The following MAMLD1 variants were observed in gnomAD, a reference collection of about 807,000 sequenced individuals.
MAMLD1 encodes mastermind like domain containing 1, also known as mastermind-like domain-containing protein 1.
MAMLD1 carries 14 observed loss-of-function variants against 45.0 expected under a neutral mutation model. That is an observed-to-expected ratio of 0.31 (90% confidence interval 0.21 to 0.49). The LOEUF (loss-of-function observed/expected upper bound fraction) is 0.49. Ranked by LOEUF, MAMLD1 falls within the 20% of genes least tolerant of loss-of-function variation. The pLI, the probability that MAMLD1 is intolerant of heterozygous loss-of-function variation, is 0.99. For missense variants in MAMLD1, 543 were observed against 603.6 expected, an observed-to-expected ratio of 0.90 and a Z score of 1.05; for synonymous variants, 254 against 247.8, an observed-to-expected ratio of 1.02 and a Z score of -0.24.
intron 7 of MAMLD1, 120 bp from the exon 8 acceptor site, chrX:150,511,884 A>C: frequency 1.7e-6 from 1 of 579,743 alleles, no homozygotes; most frequent in Non-Finnish European, 2.5e-6. Context: ...GGAGCTCAGT[A>C]GAGAGCCAAG....
chrX:150,461,712 G>A (rs1557405629), intron 2 of MAMLD1, among the ~76,000 whole-genome samples: 3 of 111,253 alleles, frequency 2.7e-5, no homozygotes, highest in East Asian at 5.7e-4. Context: ...AGAGGGACTC[G>A]ATGGAAGCCA....
intron 1 of MAMLD1, among the ~76,000 whole-genome samples, chrX:150,365,176 G>C (rs1028998388): frequency 4.9e-4 from 54 of 110,673 alleles, no homozygotes; most frequent in Admixed American, 4.3e-3. Context: ...CAGGAGGCTG[G>C]AGAGAGGGAA....
At chrX:150,365,987 C>G (rs1557400713) in intron 1 of MAMLD1, among the ~76,000 whole-genome samples, 1 of 112,488 alleles carries the variant, frequency 8.9e-6, no homozygotes, top group African/African-American at 3.2e-5. Context: ...TAGAAGTAAC[C>G]TTTCGCCATT....
chrX:150,470,904 T>A lies in MAMLD1; in HGVS notation c.1331T>A (p.Met444Lys). 1 of 1,211,783 alleles carries A rather than the reference T, an allele frequency of 8.3e-7. No homozygotes were observed. The highest frequency in any genetic ancestry group is 1.1e-6 in the Non-Finnish European group (1 of 895,583). ...STIKTPQGHLMSALPASNPGP... is the reference protein window; with the variant it reads ...STIKTPQGHLKSALPASNPGP... ...ATCAAAACCCCTCAAGGACACCTGA[T>A]GTCTGCTCTGCCTGCCAGCAACCCT... The change falls in exon 4 of 8, where the codon ATG becomes AAG. Residue 444 changes from methionine to lysine, a missense_variant. Transcript: ENST00000370401.
At chrX:150,419,209 T>C (rs782709459) in intron 1 of MAMLD1, among the ~76,000 whole-genome samples, 47 of 102,549 alleles carry the variant, frequency 4.6e-4, no homozygotes, top group African/African-American at 1.3e-3. Flanking sequence ...TCTTTGTCTC[T>C]TTTGATCTTT....
chrX:150,431,279 G>A, intron 1 of MAMLD1, among the ~76,000 whole-genome samples: 1 of 111,277 alleles, frequency 9.0e-6, no homozygotes, highest in Non-Finnish European at 1.9e-5. Flanking sequence ...TGTTGATCTT[G>A]TATCCTGAGA....
At chrX:150,409,874 C>T (rs2034083732) in intron 1 of MAMLD1, among the ~76,000 whole-genome samples, 1 of 112,595 alleles carries the variant, frequency 8.9e-6, no homozygotes, top group South Asian at 3.7e-4. Flanking sequence ...CCAAGTTTCA[C>T]ATTTGTGGGG....
chrX:150,398,400 A>AGAG lies in MAMLD1; in HGVS notation c.-64+34872_-64+34873insGGA, dbSNP rs1321734295. On this transcript the variant is annotated intron_variant, in intron 1 of 7. Coordinates refer to ENST00000370401, the MANE Select transcript of MAMLD1 (RefSeq NM_005491.5). The stretch of plus-strand genomic sequence containing the variant: ...AAGAAGAAGAGGAAGAAGAAGAAGA[A>AGAG]GAAGACAGGGAACGAAGGAGCAAAA... Among the ~76,000 whole-genome samples, 433 of 110,032 alleles carry AGAG rather than the reference A, an allele frequency of 3.9e-3. 7 individuals carry two copies. The highest frequency in any genetic ancestry group is 0.014 in the African/African-American group (418 of 30,242).
Position 150,470,686 on chromosome X carries a change from G to A in MAMLD1, c.1113G>A (p.Ser371=), listed in dbSNP as rs782273970. Residue 371 remains serine (S), a synonymous_variant, in exon 4 of 8, where the codon TCG becomes TCA. Transcript: ENST00000370401. Reference sequence around the variant, plus strand: ...AGAGCCTCATGGTGTCCTGCATGTCGTCCAATACCTTGTCGGGTAGCACTC... The same window carrying A: ...AGAGCCTCATGGTGTCCTGCATGTCATCCAATACCTTGTCGGGTAGCACTC... ...SPQSLMVSCM[S]SNTLSGSTLR... 3.1e-5 allele frequency: 37 copies of A among 1,210,111 alleles called. No individual in the cohort carries two copies. Among genetic ancestry groups the A allele is most frequent in the Admixed American group, 1.1e-4 (5 of 45,864 alleles).
In MAMLD1 at chrX:150,514,142, T is replaced by C. The variant is rs923565441; in HGVS notation, c.*2183T>C. ...GTCTGTTTCAAGCCAGTGTGTTTTT[T>C]CTTCGTTCTGTAATAAACAGCCAGG... On this transcript the variant is annotated 3_prime_UTR_variant, in exon 8 of 8. Transcript: ENST00000370401. 1.9e-5 allele frequency: 4 copies of C among 212,096 alleles called. No individual in the cohort carries two copies. Among genetic ancestry groups the C allele is most frequent in the African/African-American group, 1.2e-4 (4 of 34,715 alleles). 17.5% of individuals were successfully genotyped at this position (212,096 alleles called of 1,213,427 possible). A position where few individuals can be genotyped will look rare whatever the true frequency, so the allele number is the denominator to read the frequency against.
At chrX:150,382,243 C>A (rs1158569895) in intron 1 of MAMLD1, among the ~76,000 whole-genome samples, 1 of 111,351 alleles carries the variant, frequency 9.0e-6, no homozygotes, top group Non-Finnish European at 1.9e-5. Flanking sequence ...AAAAGGCTAT[C>A]CCCACCTCAC....
intron 6 of MAMLD1, among the ~76,000 whole-genome samples, chrX:150,508,449 C>A (rs56357708): frequency 9.1e-6 from 1 of 109,803 alleles, no homozygotes; most frequent in Non-Finnish European, 1.9e-5. Flanking sequence ...ACTGCCCACA[C>A]GGCAGCTCCA....
At chrX:150,481,964 AAAAGAAAG>A (rs57124938) in intron 5 of MAMLD1, among the ~76,000 whole-genome samples, 6,307 of 56,275 alleles carry the variant, frequency 0.11, 384 homozygotes, top group Middle Eastern at 0.18. Flanking sequence ...AAAGAAAGAA[AAAAGAAAG>A]AAAGAAAGAA....
intron 1 of MAMLD1, among the ~76,000 whole-genome samples, chrX:150,406,538 G>A (rs782509740): frequency 1.1e-3 from 126 of 111,800 alleles, no homozygotes; most frequent in African/African-American, 4.0e-3. Flanking sequence ...TCAAGCAGAC[G>A]TGGGTCCCAT....
intron 5 of MAMLD1, among the ~76,000 whole-genome samples, chrX:150,494,599 G>A (rs180710683): frequency 1.1e-3 from 122 of 111,197 alleles, no homozygotes; most frequent in Middle Eastern, 9.4e-3. Context: ...TTAGTGGCGG[G>A]GCCGGGTACG....
Position 150,471,366 on chromosome X carries a change from A to G in MAMLD1, c.1793A>G (p.Gln598Arg). 8.3e-6 allele frequency: 10 copies of G among 1,210,315 alleles called. No individual in the cohort carries two copies. The highest frequency in any genetic ancestry group is 1.1e-5 in the Non-Finnish European group (10 of 894,279). ...GCCACTGCCACCTTGCAGCTGCAGC[A>G]GCAGCAGCAGCAACAGCAGCAGCAG... ...STATATLQLQ[Q>R]QQQQQQQQPD... Residue 598 changes from glutamine (Q) to arginine (R), a missense_variant, in exon 4 of 8, where the codon CAG becomes CGG. Physicochemically the swap from Gln to Arg is conservative, Grantham distance 43. Transcript: ENST00000370401.
At position 150,456,526 on chromosome X, in the gene MAMLD1, C is replaced by A. The variant is rs782242279; in HGVS notation, c.97-6246C>A. Among the ~76,000 whole-genome samples the A allele has an allele frequency of 4.3e-3, 483 of 111,568 alleles. 3 individuals carry two copies. Among genetic ancestry groups the A allele is most frequent in the Non-Finnish European group, 8.0e-3 (425 of 53,102 alleles). On this transcript the variant is annotated intron_variant, in intron 2 of 7. Coordinates refer to ENST00000370401, the MANE Select transcript of MAMLD1 (RefSeq NM_005491.5). ...TAGAAAAGCACAACATCCTGAGACTCTGTGTGGATCCCTTTAGCCTACTGT... is the reference window on the plus strand; with the variant it reads ...TAGAAAAGCACAACATCCTGAGACTATGTGTGGATCCCTTTAGCCTACTGT...
intron 5 of MAMLD1, among the ~76,000 whole-genome samples, chrX:150,477,311 T>C (rs1295264909): frequency 7.1e-5 from 8 of 112,628 alleles, no homozygotes; most frequent in African/African-American, 2.3e-4. Flanking sequence ...TTATGCTCCA[T>C]TGATATTAGC....
intron 1 of MAMLD1, among the ~76,000 whole-genome samples, chrX:150,376,950 G>C (rs1043573282): frequency 1.8e-5 from 2 of 110,657 alleles, no homozygotes; most frequent in Non-Finnish European, 3.8e-5. Flanking sequence ...TTGTCTAAAA[G>C]AAGCTTTTAT....
Sources: gnomAD v4.1 joint callset for allele counts (sites outside exome capture counted in the v4.1 genomes callset) on GRCh38, gnomAD v4.1.1 for gene constraint, MANE v1.5 for transcripts, NCBI Gene and HGNC (gene_info 2026-07-23, HGNC 2026-07-21) for gene names.